Variants in DMTN observed in about 807,000 individuals in gnomAD.
DMTN encodes dematin actin binding protein.
A neutral mutation model predicts 59.4 loss-of-function variants in DMTN; 27 were observed. The ratio of observed to expected loss-of-function variants is 0.45; its 90% CI spans 0.33 to 0.63. DMTN has a LOEUF of 0.63. Ranked by LOEUF, DMTN falls within the 20% of genes least tolerant of loss-of-function variation. DMTN has a pLI of 0.02. For missense variants in DMTN, 451 were observed against 528.9 expected (o/e 0.85, Z 1.45); for synonymous variants, 221 against 203.7 (o/e 1.08, Z -0.72).
intron 1 of DMTN, among the ~76,000 whole-genome samples, chr8:22,064,906 C>T (rs1046841390): frequency 6.6e-6 from 1 of 152,138 alleles, no homozygotes; most frequent in African/African-American, 2.4e-5. Context: ...ATTTTCAGCT[C>T]CACGACTCTG....
At chr8:22,077,656 G>A (rs776708517) in intron 10 of DMTN, among the ~76,000 whole-genome samples, 4 of 152,192 alleles carry the variant, frequency 2.6e-5, no homozygotes, top group Admixed American at 6.5e-5. Flanking sequence ...GCCTCGTGAA[G>A]TTGAAATAGC....
At chr8:22,081,092 T>TGGGGGGGCGGGGGG in intron 14 of DMTN, 21 bp from the exon 15 acceptor site, 1 of 1,547,318 alleles carries the variant, frequency 6.5e-7, no homozygotes, top group Non-Finnish European at 8.9e-7. Context: ...AGCCTAAGAT[T>TGGGGGGGCGGGGGG]GCCCCTCCCC....
At chr8:22,072,287 G>A in intron 8 of DMTN, 39 bp from the exon 9 acceptor site, 1 of 1,573,284 alleles carries the variant, frequency 6.4e-7, no homozygotes, top group Non-Finnish European at 8.6e-7. Context: ...TGACCCCATG[G>A]CGAGTGACTC....
At chr8:22,051,368 T>C (rs1801337185), upstream of DMTN, among the ~76,000 whole-genome samples, 1 of 152,176 alleles carries the variant, frequency 6.6e-6, no homozygotes, top group African/African-American at 2.4e-5. Context: ...GGACATTCAC[T>C]CACTCTTTAG....
At chr8:22,078,340 A>G (rs7017781) in intron 10 of DMTN, among the ~76,000 whole-genome samples, 150,969 of 151,612 alleles carry the variant, frequency 1, 75,165 homozygotes, top group Middle Eastern at 1. Context: ...ACTCCAGCCT[A>G]GGCAACAGAG....
intron 15 of DMTN, 41 bp from the exon 16 acceptor site, chr8:22,081,309 C>G (rs773595749): frequency 6.2e-7 from 1 of 1,601,670 alleles, no homozygotes; most frequent in Admixed American, 1.7e-5. Context: ...GGCACAGCCC[C>G]CTCCCCCTCC....
intron 2 of DMTN, 41 bp downstream of exon 2, chr8:22,066,934 T>TG (rs1811116425): frequency 8.1e-7 from 1 of 1,236,174 alleles, no homozygotes; most frequent in African/African-American, 1.6e-5. Context: ...CGAGGGCGGG[T>TG]GGGGGCCGCT....
intron 9 of DMTN, among the ~76,000 whole-genome samples, chr8:22,072,912 A>G (rs1395573278): frequency 6.6e-6 from 1 of 152,038 alleles, no homozygotes; most frequent in East Asian, 1.9e-4. Context: ...TTTTGAAGGG[A>G]CACCTGGACT....
At chr8:22,063,333 C>T (rs1206938182) in intron 1 of DMTN, among the ~76,000 whole-genome samples, 1 of 152,206 alleles carries the variant, frequency 6.6e-6, no homozygotes, top group East Asian at 1.9e-4. Context: ...GCTGCAGCTT[C>T]CGGGCTGGTC....
intron 2 of DMTN, 24 bp downstream of exon 2, chr8:22,066,917 G>A: frequency 8.1e-7 from 1 of 1,240,850 alleles, no homozygotes; most frequent in South Asian, 3.2e-5. Flanking sequence ...CCCCGGGCCG[G>A]GGCCGCCGAG....
At chr8:22,074,008 C>T (rs554886957) in intron 10 of DMTN, among the ~76,000 whole-genome samples, 173 bp downstream of exon 10, 5 of 152,306 alleles carry the variant, frequency 3.3e-5, no homozygotes, top group Admixed American at 3.3e-4. Context: ...ATGAGAGAAT[C>T]GGCTAAAATA....
At chr8:22,049,710 A>T (rs926499801), upstream of DMTN, among the ~76,000 whole-genome samples, 2 of 151,752 alleles carry the variant, frequency 1.3e-5, no homozygotes, top group African/African-American at 4.8e-5. Context: ...CCCCAGCCTC[A>T]GTTTCCCCTT....
At chr8:22,067,232 G>A (rs11135821) in intron 3 of DMTN, 73 bp downstream of exon 3, 1,449,463 of 1,515,954 alleles carry the variant, frequency 0.96, 693,396 homozygotes, top group East Asian at 0.99. Flanking sequence ...GGCTGCTAGC[G>A]TGCCTTCCCG....
intron 10 of DMTN, among the ~76,000 whole-genome samples, chr8:22,079,291 T>TAG: frequency 1.4e-5 from 1 of 72,828 alleles, no homozygotes; most frequent in Non-Finnish European, 2.6e-5. Flanking sequence ...TATATATATA[T>TAG]ATATATATAT....
In DMTN at chr8:22,058,136, C is replaced by A. The variant is rs1322994270; in HGVS notation, c.-172+1000C>A. Among the ~76,000 whole-genome samples, 9 of 152,092 alleles carry A rather than the reference C, an allele frequency of 5.9e-5. No individual in the cohort carries two copies. Among genetic ancestry groups the A allele is most frequent in the Non-Finnish European group, 7.4e-5 (5 of 68,006 alleles). On this transcript the variant is annotated intron_variant, in intron 1 of 15. Coordinates refer to ENST00000358242, the MANE Select transcript of DMTN (RefSeq NM_001387751.1). The surrounding 1 kb of genome is among the most constrained non-coding windows in gnomAD (Gnocchi z 4.3). ...GAGCTGGCACACAGGGCTTCGGAGTCTCCCCGCGTGCATGCGTCCTGCAAC... is the reference window on the plus strand; with the variant it reads ...GAGCTGGCACACAGGGCTTCGGAGTATCCCCGCGTGCATGCGTCCTGCAAC...
chr8:22,055,717 C>A (rs1036768756), upstream of DMTN, among the ~76,000 whole-genome samples: 2 of 152,102 alleles, frequency 1.3e-5, no homozygotes, highest in African/African-American at 4.8e-5. Context: ...CACCTGCCTC[C>A]TTCCTTCCTC....
rs1360176001 is a variant in DMTN at position 22,081,667 on chromosome 8, T to C, written c.*204T>C. On this transcript the variant is annotated 3_prime_UTR_variant, in exon 16 of 16. Coordinates refer to ENST00000358242, the MANE Select transcript of DMTN (RefSeq NM_001387751.1). The stretch of plus-strand genomic sequence containing the variant: ...CAAGGCTGGGGGCCTCCTGCTCTCG[T>C]CCCTGGCCCTCCCTGCACAGGGCAA... The C allele has an allele frequency of 1.7e-6, 1 of 598,308 alleles. No homozygotes were observed. The highest frequency in any genetic ancestry group is 1.9e-5 in the African/African-American group (1 of 54,008). 37.1% of individuals were successfully genotyped at this position (598,308 alleles called of 1,614,324 possible). A position where few individuals can be genotyped will look rare whatever the true frequency, so the allele number is the denominator to read the frequency against.
chr8:22,069,189 C>T (rs910050444), intron 5 of DMTN, 129 bp downstream of exon 5: 20 of 1,125,456 alleles, frequency 1.8e-5, no homozygotes, highest in Admixed American at 5.0e-5. Context: ...CCCTGGCTGT[C>T]ACTGGCCAGC....
Position 22,076,759 on chromosome 8 carries a change from T to C in DMTN, c.835+2924T>C, listed in dbSNP as rs567909005. ...TTTTCTTTTTTGGGTGACATATATA[T>C]ACACACACACACACATATACATATA... is the stretch of plus-strand genomic sequence containing the variant. On this transcript the variant is annotated intron_variant, in intron 10 of 15. Transcript: ENST00000358242. Among the ~76,000 whole-genome samples the C allele has an allele frequency of 2.2e-4, 33 of 151,344 alleles. No homozygotes were observed. The South Asian group carries it at 2.5e-3, about 12-fold the overall frequency.
Sources: gnomAD v4.1 joint callset for allele counts (sites outside exome capture counted in the v4.1 genomes callset) on GRCh38, gnomAD v4.1.1 for gene constraint, Gnocchi (gnomAD v3.1) non-coding constraint, MANE v1.5 for transcripts, NCBI Gene and HGNC (gene_info 2026-07-23, HGNC 2026-07-21) for gene names.